The following CHRM3 variants were observed in gnomAD, a reference collection of about 807,000 sequenced individuals.
CHRM3 encodes muscarinic acetylcholine receptor M3.
CHRM3 carries 11 observed loss-of-function variants against 41.8 expected under a neutral mutation model. The ratio of observed to expected loss-of-function variants is 0.26; its 90% CI spans 0.17 to 0.44. CHRM3 has a LOEUF of 0.44. Ranked by LOEUF, CHRM3 falls within the 20% of genes least tolerant of loss-of-function variation. The pLI, the probability that CHRM3 is intolerant of heterozygous loss-of-function variation, is 1.00. For synonymous variants in CHRM3, 297 were observed against 301.4 expected, an observed-to-expected ratio of 0.99 and a Z score of 0.15; for missense variants, 571 against 745.4, an observed-to-expected ratio of 0.77 and a Z score of 2.72.
intron 4 of CHRM3, among the ~76,000 whole-genome samples, chr1:239,644,054 C>G (rs1378498790): frequency 6.6e-6 from 1 of 152,208 alleles, no homozygotes. Context: ...CTATTACTTT[C>G]TTTCATTGAC....
chr1:239,751,876 A>G (rs1351268906), intron 5 of CHRM3, among the ~76,000 whole-genome samples: 2 of 152,204 alleles, frequency 1.3e-5, no homozygotes, highest in African/African-American at 4.8e-5. Flanking sequence ...TAGAAACTAT[A>G]ATAATATTAA....
chr1:239,555,383 G>A (rs940381675), intron 3 of CHRM3, among the ~76,000 whole-genome samples: 2 of 152,234 alleles, frequency 1.3e-5, no homozygotes, highest in East Asian at 1.9e-4. Flanking sequence ...AAACATTACC[G>A]TATTAGAAAT....
chr1:239,524,371 T>C (rs1669853242), intron 2 of CHRM3, among the ~76,000 whole-genome samples: 1 of 152,188 alleles, frequency 6.6e-6, no homozygotes, highest in Admixed American at 6.5e-5. Context: ...TTCTCCACTT[T>C]GTAATATGTT....
intron 4 of CHRM3, among the ~76,000 whole-genome samples, chr1:239,643,684 G>A (rs1671453255): frequency 6.6e-6 from 1 of 152,154 alleles, no homozygotes; most frequent in Non-Finnish European, 1.5e-5. Flanking sequence ...CCCTTTCTTT[G>A]ACTAGAAAAG....
At chr1:239,442,260 C>T (rs1483452339) in intron 1 of CHRM3, among the ~76,000 whole-genome samples, 1 of 151,976 alleles carries the variant, frequency 6.6e-6, no homozygotes, top group African/African-American at 2.4e-5. Flanking sequence ...GCACCTGTCA[C>T]CACGCCCAGC....
intron 6 of CHRM3, among the ~76,000 whole-genome samples, chr1:239,841,901 A>G (rs547260601): frequency 6.6e-6 from 1 of 152,342 alleles, no homozygotes; most frequent in South Asian, 2.1e-4. Context: ...ATTAAATTAT[A>G]TAATACAACT....
At chr1:239,629,273 T>C (rs10802781) in intron 3 of CHRM3, 1 of 112,518 alleles carries the variant, frequency 8.9e-6, no homozygotes, top group Non-Finnish European at 1.8e-5. Flanking sequence ...TTCCAGGTGC[T>C]TCCGTCACCC....
chr1:239,639,217 T>C (rs1390282232), intron 4 of CHRM3, among the ~76,000 whole-genome samples: 1 of 152,208 alleles, frequency 6.6e-6, no homozygotes, highest in East Asian at 1.9e-4. Flanking sequence ...AGCTTTGTTC[T>C]TTTGGCTTAG....
chr1:239,528,699 C>T (rs1483684946), intron 2 of CHRM3, among the ~76,000 whole-genome samples: 1 of 152,100 alleles, frequency 6.6e-6, no homozygotes, highest in Admixed American at 6.5e-5. Flanking sequence ...TTGATACCAG[C>T]CCTGCCAACA....
At chr1:239,853,090 T>G (rs1237872776) in intron 6 of CHRM3, among the ~76,000 whole-genome samples, 1 of 151,960 alleles carries the variant, frequency 6.6e-6, no homozygotes, top group Non-Finnish European at 1.5e-5. Flanking sequence ...CTTTTTAAAT[T>G]TAATGATGTT....
rs541922441 is a variant in CHRM3 at position 239,728,548 on chromosome 1, T to C, written c.-147+50260T>C. Among the ~76,000 whole-genome samples the C allele has an allele frequency of 3.9e-5, 6 of 152,158 alleles. No homozygotes were observed. The South Asian group carries it at 1.2e-3, about 32-fold the overall frequency. On this transcript the variant is annotated intron_variant, in intron 5 of 6. Transcript: ENST00000676153. Reference sequence around the variant, plus strand: ...AATGGTAGTTCAGTTAAGTATTATATGGATAAATTGCTCTTCAAAATATTA... The same window carrying C: ...AATGGTAGTTCAGTTAAGTATTATACGGATAAATTGCTCTTCAAAATATTA...
intron 5 of CHRM3, among the ~76,000 whole-genome samples, chr1:239,792,588 C>T (rs191531115): frequency 8.5e-5 from 13 of 152,274 alleles, no homozygotes; most frequent in African/African-American, 3.1e-4. Flanking sequence ...TCTTCAAAAA[C>T]CTATATAGAG....
At chr1:239,622,702 T>C (rs1213520897) in intron 3 of CHRM3, among the ~76,000 whole-genome samples, 4 of 152,170 alleles carry the variant, frequency 2.6e-5, no homozygotes, top group African/African-American at 9.6e-5. Context: ...GTGGTTTTCT[T>C]GAGATGGAAT....
intron 5 of CHRM3, among the ~76,000 whole-genome samples, chr1:239,747,585 A>G (rs1276816755): frequency 6.6e-6 from 1 of 152,154 alleles, no homozygotes; most frequent in Admixed American, 6.5e-5. Context: ...TCAAATCCCT[A>G]CCCTTCGGTC....
At chr1:239,524,549 G>A (rs1669866431) in intron 2 of CHRM3, among the ~76,000 whole-genome samples, 1 of 152,034 alleles carries the variant, frequency 6.6e-6, no homozygotes, top group Non-Finnish European at 1.5e-5. Context: ...AATTGGTATT[G>A]TAGAGGTTTC....
At chr1:239,525,803 G>C (rs1669956673) in intron 2 of CHRM3, among the ~76,000 whole-genome samples, 1 of 152,148 alleles carries the variant, frequency 6.6e-6, no homozygotes, top group Non-Finnish European at 1.5e-5. Flanking sequence ...GGGCATGTAG[G>C]CAAAAGATGT....
At chr1:239,691,500 G>A (rs1571999757) in intron 5 of CHRM3, among the ~76,000 whole-genome samples, 1 of 152,234 alleles carries the variant, frequency 6.6e-6, no homozygotes, top group East Asian at 1.9e-4. Context: ...TATAGTCTAT[G>A]TATTCAGTTT....
At chr1:239,593,538 G>A (rs1664439398) in intron 3 of CHRM3, among the ~76,000 whole-genome samples, 1 of 151,974 alleles carries the variant, frequency 6.6e-6, no homozygotes, top group South Asian at 2.1e-4. Context: ...GCTGTGATCT[G>A]TTTACTAGGC....
chr1:239,614,500 A>C (rs1198029893), intron 3 of CHRM3, among the ~76,000 whole-genome samples: 2 of 152,220 alleles, frequency 1.3e-5, no homozygotes, highest in Non-Finnish European at 2.9e-5. Context: ...TATAATATGA[A>C]ATTTTAAATT....
Sources: gnomAD v4.1 joint callset for allele counts (sites outside exome capture counted in the v4.1 genomes callset) on GRCh38, gnomAD v4.1.1 for gene constraint, MANE v1.5 for transcripts, NCBI Gene and HGNC (gene_info 2026-07-23, HGNC 2026-07-21) for gene names.